Variants in PLA2G5 observed in about 807,000 individuals in gnomAD.
PLA2G5 encodes Ca2+-dependent phospholipase A2.
A neutral mutation model predicts 15.9 loss-of-function variants in PLA2G5; 12 were observed. The ratio of observed to expected loss-of-function variants is 0.76; its 90% confidence interval spans 0.48 to 1.23. The LOEUF (loss-of-function observed/expected upper bound fraction) is 1.23, where lower values mean the gene tolerates loss of function less well. PLA2G5 is among the 50% of genes most tolerant of loss of function. PLA2G5 has a pLI of 0.00. For synonymous variants in PLA2G5, 71 were observed against 71.4 expected (o/e 0.99, Z 0.03); for missense variants, 169 against 177.1 (o/e 0.95, Z 0.26).
At chr1:20,048,142 G>C (rs1557729404) in intron 1 of PLA2G5, among the ~76,000 whole-genome samples, 1 of 151,912 alleles carries the variant, frequency 6.6e-6, no homozygotes, top group Non-Finnish European at 1.5e-5. Flanking sequence ...TAATTAATTG[G>C]CTTAAGAAAA....
At chr1:20,079,628 A>C (rs1447706561) in intron 1 of PLA2G5, among the ~76,000 whole-genome samples, 1 of 152,070 alleles carries the variant, frequency 6.6e-6, no homozygotes, top group Non-Finnish European at 1.5e-5. Context: ...CTCCCACCTG[A>C]GCCTCCCAGG....
intron 2 of PLA2G5, among the ~76,000 whole-genome samples, chr1:20,060,217 G>GTTCACTAT (rs1226901720): frequency 7.2e-6 from 1 of 138,648 alleles, no homozygotes; most frequent in African/African-American, 2.7e-5. Flanking sequence ...TCTTCAATCA[G>GTTCACTAT]TTCACTATTT....
At chr1:20,059,991 G>A (rs898527667) in intron 2 of PLA2G5, among the ~76,000 whole-genome samples, 31 of 152,218 alleles carry the variant, frequency 2.0e-4, no homozygotes, top group South Asian at 1.9e-3. Context: ...CACCCCCAAG[G>A]ATTCTGGAGA....
At chr1:20,058,645 G>A (rs1340944147) in intron 1 of PLA2G5, among the ~76,000 whole-genome samples, 2 of 152,164 alleles carry the variant, frequency 1.3e-5, no homozygotes, top group African/African-American at 2.4e-5. Context: ...TTTAATGGCT[G>A]AGTGAGTCAA....
At chr1:20,038,728 A>T (rs2013417972) in intron 1 of PLA2G5, among the ~76,000 whole-genome samples, 1 of 152,160 alleles carries the variant, frequency 6.6e-6, no homozygotes, top group Admixed American at 6.5e-5. Flanking sequence ...GCAGTAGACT[A>T]TGATTGGACA....
intron 2 of PLA2G5, chr1:20,063,578 A>G (rs1192698530): frequency 6.6e-6 from 1 of 152,254 alleles, no homozygotes; most frequent in Non-Finnish European, 1.5e-5. Flanking sequence ...CCACTGTTCT[A>G]TGGACCAAAG....
chr1:20,037,889 T>C (rs1207995451), intron 1 of PLA2G5, among the ~76,000 whole-genome samples: 1 of 152,130 alleles, frequency 6.6e-6, no homozygotes, highest in East Asian at 1.9e-4. Flanking sequence ...GTTAGGCATG[T>C]CTGAGCTCAG....
intron 3 of PLA2G5, among the ~76,000 whole-genome samples, chr1:20,086,786 G>T (rs1410218023): frequency 6.6e-6 from 1 of 152,112 alleles, no homozygotes; most frequent in Non-Finnish European, 1.5e-5. Context: ...CTGTACTCTT[G>T]GTCAAAGCAG....
At chr1:20,036,094 TG>T (rs1436088199) in intron 1 of PLA2G5, among the ~76,000 whole-genome samples, 4 of 152,268 alleles carry the variant, frequency 2.6e-5, no homozygotes, top group African/African-American at 7.2e-5. Flanking sequence ...GTAGGGTTTC[TG>T]CTGAGAAATC....
At chr1:20,085,346 G>A (rs916037173) in intron 2 of PLA2G5, among the ~76,000 whole-genome samples, 6 of 152,016 alleles carry the variant, frequency 3.9e-5, no homozygotes, top group African/African-American at 1.2e-4. Context: ...CCCCGTGACC[G>A]TATATACAAC....
At chr1:20,068,639 C>G (rs1247173592), upstream of PLA2G5, among the ~76,000 whole-genome samples, 2 of 151,762 alleles carry the variant, frequency 1.3e-5, no homozygotes. Context: ...TTAGTAGAGA[C>G]GGGGTTTCTC....
chr1:20,061,415 T>C (rs1394011720), intron 2 of PLA2G5, among the ~76,000 whole-genome samples: 1 of 151,856 alleles, frequency 6.6e-6, no homozygotes, highest in Non-Finnish European at 1.5e-5. Context: ...GGAGACCGCA[T>C]CTTTAGAAAC....
At chr1:20,090,495 A>C (rs1293170189) in intron 4 of PLA2G5, 73 bp from the exon 5 acceptor site, 1 of 1,524,534 alleles carries the variant, frequency 6.6e-7, no homozygotes, top group African/African-American at 1.4e-5. Context: ...CGGAGCAGGA[A>C]GTCCATGGGG....
chr1:20,033,256 A>G (rs1197539648), intron 1 of PLA2G5, among the ~76,000 whole-genome samples: 1 of 152,188 alleles, frequency 6.6e-6, no homozygotes, highest in Non-Finnish European at 1.5e-5. Flanking sequence ...GCTTCCGTTA[A>G]TGAACCACGT....
At chr1:20,050,332 C>T (rs1261018649) in intron 1 of PLA2G5, among the ~76,000 whole-genome samples, 1 of 152,138 alleles carries the variant, frequency 6.6e-6, no homozygotes, top group Non-Finnish European at 1.5e-5. Context: ...CATTCTTAGA[C>T]ACAGGGCTAG....
chr1:20,044,741 T>C (rs2013802592), intron 1 of PLA2G5, among the ~76,000 whole-genome samples: 1 of 151,874 alleles, frequency 6.6e-6, no homozygotes, highest in South Asian at 2.1e-4. Context: ...AGAAGGATTA[T>C]AGGATGGAGG....
chr1:20,034,836 G>T (rs971154553), intron 1 of PLA2G5, among the ~76,000 whole-genome samples: 3 of 152,132 alleles, frequency 2.0e-5, no homozygotes, highest in African/African-American at 7.2e-5. Flanking sequence ...TGGTCACCTG[G>T]TGACTGGGAA....
intron 1 of PLA2G5, among the ~76,000 whole-genome samples, chr1:20,053,589 C>A (rs1055948730): frequency 1.4e-4 from 20 of 143,182 alleles, no homozygotes; most frequent in African/African-American, 5.0e-4. Flanking sequence ...GGGTGATATG[C>A]AAAACTTTCC....
At chr1:20,088,011 G>A (rs1393821171) in intron 3 of PLA2G5, among the ~76,000 whole-genome samples, 1 of 152,156 alleles carries the variant, frequency 6.6e-6, no homozygotes, top group African/African-American at 2.4e-5. Context: ...CCTCAAAACA[G>A]TCAAGAACAA....
Sources: gnomAD v4.1 joint callset for allele counts (sites outside exome capture counted in the v4.1 genomes callset) on GRCh38, gnomAD v4.1.1 for gene constraint, MANE v1.5 for transcripts, NCBI Gene and HGNC (gene_info 2026-07-23, HGNC 2026-07-21) for gene names.